The following CHRNG variants were observed in gnomAD, a reference collection of about 807,000 sequenced individuals.
CHRNG encodes acetylcholine receptor subunit gamma.
CHRNG carries 72 observed loss-of-function variants against 65.2 expected under a neutral mutation model. The observed-to-expected ratio is 1.10, with a 90% CI of 0.91 to 1.34. The LOEUF (loss-of-function observed/expected upper bound fraction) is 1.34. Among genes scored for constraint, CHRNG ranks in the 40% most tolerant of loss-of-function variants. The probability of loss-of-function intolerance (pLI) is 0.00; values close to 1 mark genes in which losing one functional copy is unlikely to be tolerated. For synonymous variants in CHRNG, 284 were observed against 290.2 expected, an observed-to-expected ratio of 0.98 and a Z score of 0.22; for missense variants, 637 against 680.1, an observed-to-expected ratio of 0.94 and a Z score of 0.70.
chr2:232,542,363 C>A (rs1212729297), intron 5 of CHRNG, 60 bp from the exon 6 acceptor site: 3 of 1,098,968 alleles, frequency 2.7e-6, no homozygotes, highest in African/African-American at 3.1e-5. Flanking sequence ...AAGGTCATCC[C>A]CATGCAGTCG....
In CHRNG at chr2:232,539,720, C is replaced by A; in HGVS notation, c.-28C>A. On this transcript the variant is annotated 5_prime_UTR_variant, in exon 1 of 12. Transcript: ENST00000651502. ...CCAGACCTTGGAGCTGTTGTCCCACCCCTGTCACTGCAGAGAGCTGAGGCA... is the reference window on the plus strand; with the variant it reads ...CCAGACCTTGGAGCTGTTGTCCCACACCTGTCACTGCAGAGAGCTGAGGCA... The A allele has an allele frequency of 1.2e-6, 2 of 1,612,230 alleles. No individual in the cohort carries two copies. Among genetic ancestry groups the A allele is most frequent in the Non-Finnish European group, 1.7e-6 (2 of 1,178,752 alleles).
rs1692023523 is a variant in CHRNG, at chr2:232,541,845, C to T, written c.506+316C>T. ...CACACAAGATGCGTGTCTGCGCACA[C>T]ACGAAACCACTGCACACTCCAGGCC... On this transcript the variant is annotated intron_variant, in intron 5 of 11. Transcript: ENST00000651502. The surrounding 1 kb of genome is among the most constrained non-coding windows in gnomAD (Gnocchi z 4.0). 2.2e-6 allele frequency: 1 copy of T among 457,678 alleles called. No homozygotes were observed. The highest frequency in any genetic ancestry group is 4.1e-6 in the Non-Finnish European group (1 of 246,556). 28.4% of individuals were successfully genotyped at this position (457,678 alleles called of 1,614,324 possible).
At position 232,540,797 on chromosome 2, in the gene CHRNG, A is replaced by G; in HGVS notation, c.350+86A>G. On this transcript the variant is annotated intron_variant, in intron 4 of 11. Coordinates refer to ENST00000651502, the MANE Select transcript of CHRNG (RefSeq NM_005199.5). This position sits in a 1 kb window ranked among gnomAD's most constrained non-coding sequence, Gnocchi z 4.2. ...GAACAAGGCACTCTGGGAAAAGAGAAAGATGAGCAGAGGGTGCAAATCGGG... is the reference window on the plus strand; with the variant it reads ...GAACAAGGCACTCTGGGAAAAGAGAGAGATGAGCAGAGGGTGCAAATCGGG... The G allele has an allele frequency of 8.0e-7, 1 of 1,254,308 alleles. No individual in the cohort carries two copies. The highest frequency in any genetic ancestry group is 2.0e-5 in the Admixed American group (1 of 51,070). 77.7% of individuals were successfully genotyped at this position (1,254,308 alleles called of 1,614,324 possible).
At position 232,540,162 on chromosome 2, in the gene CHRNG, C is replaced by T; in HGVS notation, c.195+31C>T. The stretch of plus-strand genomic sequence containing the variant: ...CCGCAGGACGGAGGAGGGGTCAGCG[C>T]ACCACGCCCTGGGACCTGCTGGGGA... On this transcript the variant is annotated intron_variant, in intron 2 of 11. Coordinates refer to ENST00000651502, the MANE Select transcript of CHRNG (RefSeq NM_005199.5). The surrounding 1 kb of genome is among the most constrained non-coding windows in gnomAD (Gnocchi z 4.2). 6.2e-7 allele frequency: 1 copy of T among 1,614,148 alleles called. No homozygotes were observed. The highest frequency in any genetic ancestry group is 8.5e-7 in the Non-Finnish European group (1 of 1,179,998).
intron 8 of CHRNG, 41 bp downstream of exon 8, chr2:232,543,430 C>T (rs1444938526): frequency 1.4e-6 from 2 of 1,465,790 alleles, no homozygotes; most frequent in South Asian, 2.3e-5. Flanking sequence ...TGCCACTCTC[C>T]CTTCTTGGGA....
rs1431160749 is a variant in CHRNG, at chr2:232,541,187, C to CG, written c.351-181dup. On this transcript the variant is annotated intron_variant, in intron 4 of 11. Coordinates refer to ENST00000651502, the MANE Select transcript of CHRNG (RefSeq NM_005199.5). The surrounding 1 kb of genome is among the most constrained non-coding windows in gnomAD (Gnocchi z 4.0). ...GGTGCCTGAGGAAGTCTGTCTGGGG[C>CG]GGGGGGTGGCAGGAGGATTGCTGGG... Among the ~76,000 whole-genome samples the CG allele has an allele frequency of 3.3e-4, 22 of 66,414 alleles. No individual in the cohort carries two copies. The highest frequency in any genetic ancestry group is 5.8e-4 in the Non-Finnish European group (18 of 31,250). 43.6% of individuals were successfully genotyped at this position (66,414 alleles called of 152,430 possible).
At chr2:232,544,087 C>T (rs545336745) in intron 9 of CHRNG, among the ~76,000 whole-genome samples, 1 of 152,300 alleles carries the variant, frequency 6.6e-6, no homozygotes, top group East Asian at 1.9e-4. Flanking sequence ...GCCCTTGTTG[C>T]ACATGCAGAT....
rs1366635386 is a variant in CHRNG at position 232,546,850 on chromosome 2, T to C, written c.*1134T>C. Among the ~76,000 whole-genome samples, 1 of 152,178 alleles carries C rather than the reference T, an allele frequency of 6.6e-6. No homozygotes were observed. The highest frequency in any genetic ancestry group is 2.4e-5 in the African/African-American group (1 of 41,442). ...CAGGCCCTTCTTCCCAAAGGATGGTTAAGACAAGGAAGAGCTAGGCAAGAG... is the reference window on the plus strand; with the variant it reads ...CAGGCCCTTCTTCCCAAAGGATGGTCAAGACAAGGAAGAGCTAGGCAAGAG... On this transcript the variant is annotated 3_prime_UTR_variant, in exon 12 of 12. Coordinates refer to ENST00000651502, the MANE Select transcript of CHRNG (RefSeq NM_005199.5).
chr2:232,546,328 T>TTC lies in CHRNG; in HGVS notation c.*612_*613insTC, dbSNP rs1692135013. The stretch of plus-strand genomic sequence containing the variant: ...ATCCTCTTTTTTTTTTTTTTTTTTT[T>TTC]AGTTTTTGATGTGTTGTTGTTGTTT... On this transcript the variant is annotated 3_prime_UTR_variant, in exon 12 of 12. Transcript: ENST00000651502. 2.0e-5 allele frequency: 3 copies of TTC among 152,994 alleles called. No individual in the cohort carries two copies. Among genetic ancestry groups the TTC allele is most frequent in the Non-Finnish European group, 4.3e-5 (3 of 69,894 alleles). The allele number at this position is 152,994 out of a possible 1,614,324, so 9.5% of individuals were successfully genotyped here.
rs182635953 is a variant in CHRNG at position 232,540,372 on chromosome 2, C to A, written c.196-9C>A. Reference sequence around the variant, plus strand: ...CTGAGCCCTCCATACTACACCCTTGCACCCCCAGAACGAGCGAGAGGAAGC... The same window carrying A: ...CTGAGCCCTCCATACTACACCCTTGAACCCCCAGAACGAGCGAGAGGAAGC... On this transcript the variant is annotated splice_polypyrimidine_tract_variant and intron_variant, in intron 2 of 11. Coordinates refer to ENST00000651502, the MANE Select transcript of CHRNG (RefSeq NM_005199.5). The surrounding 1 kb of genome is among the most constrained non-coding windows in gnomAD (Gnocchi z 4.2). The A allele has an allele frequency of 1.2e-6, 2 of 1,613,966 alleles. No individual in the cohort carries two copies. The highest frequency in any genetic ancestry group is 3.3e-5 in the Admixed American group (2 of 60,000).
At position 232,544,804 on chromosome 2, in the gene CHRNG, T is replaced by C. The variant is rs1332179500; in HGVS notation, c.1282T>C (p.Cys428Arg). Residue 428 changes from cysteine (C) to arginine (R), a missense_variant, in exon 11 of 12, where the codon TGT becomes CGT. Coordinates refer to ENST00000651502, the MANE Select transcript of CHRNG (RefSeq NM_005199.5). ...CCCGGAGTTAGGGCTGAGCCAGTTC[T>C]GTGGCAGCCTGAAGCAGGCTGCCCC... ...KGPELGLSQF[C>R]GSLKQAAPAI... The C allele has an allele frequency of 2.5e-6, 4 of 1,613,868 alleles. No homozygotes were observed. The East Asian group carries it at 6.7e-5, about 27-fold the overall frequency.
chr2:232,542,526 C>T lies in CHRNG; in HGVS notation c.604+6C>T. The T allele has an allele frequency of 6.2e-7, 1 of 1,604,272 alleles. No homozygotes were observed. Among genetic ancestry groups the T allele is most frequent in the Non-Finnish European group, 8.5e-7 (1 of 1,171,306 alleles). On this transcript the variant is annotated splice_donor_region_variant and intron_variant, in intron 6 of 11. Coordinates refer to ENST00000651502, the MANE Select transcript of CHRNG (RefSeq NM_005199.5). ...TGACCCTGAGGCCTTCACAGGTAAC[C>T]CCCACCCAAGGGCTCCCCAGGCAGC...
Position 232,541,563 on chromosome 2 carries a change from T to C in CHRNG, c.506+34T>C. ...ATTTATTGGGGAGGATTAAGAGAGC[T>C]GCTCTCAGAGGGGCCTGGGCAGTGG... On this transcript the variant is annotated intron_variant, in intron 5 of 11. Coordinates refer to ENST00000651502, the MANE Select transcript of CHRNG (RefSeq NM_005199.5). The surrounding 1 kb of genome is among the most constrained non-coding windows in gnomAD (Gnocchi z 4.0). 1 of 1,610,070 alleles carries C rather than the reference T, an allele frequency of 6.2e-7. No individual in the cohort carries two copies.
rs1186914053 is a variant in CHRNG, at chr2:232,540,241, G to C, written c.195+110G>C. On this transcript the variant is annotated intron_variant, in intron 2 of 11. Transcript: ENST00000651502. The surrounding 1 kb of genome is among the most constrained non-coding windows in gnomAD (Gnocchi z 4.2). ...GGTTGGAGGGCCCTAAATCGGACAG[G>C]CTGGGGTCTGGAAAACCCCCATGGT... 4.4e-6 allele frequency: 7 copies of C among 1,603,426 alleles called. No homozygotes were observed. The highest frequency in any genetic ancestry group is 6.0e-6 in the Non-Finnish European group (7 of 1,171,158).
rs781000671 is a variant in CHRNG at position 232,544,426 on chromosome 2, A to G, written c.1095A>G (p.Ala365=). 6.2e-7 allele frequency: 1 copy of G among 1,613,618 alleles called. No individual in the cohort carries two copies. Among genetic ancestry groups the G allele is most frequent in the Admixed American group, 1.7e-5 (1 of 60,030 alleles). ...TGCACGTTCGCCCGCTGGCCCCGGC[A>G]GCTGTGCAGGACACCCAGTCCCGGC... ...LRMHVRPLAP[A]AVQDTQSRLQ... is the part of the protein sequence containing the mutation. The change falls in exon 10 of 12, where the codon GCA becomes GCG. Residue 365 remains alanine, a synonymous_variant. Transcript: ENST00000651502.
chr2:232,547,357 G>A lies in CHRNG; in HGVS notation c.*1641G>A, dbSNP rs976417995. 6.6e-6 allele frequency among the ~76,000 whole-genome samples: 1 copy of A among 152,172 alleles called. No individual in the cohort carries two copies. The highest frequency in any genetic ancestry group is 6.5e-5 in the Admixed American group (1 of 15,282). Reference sequence around the variant, plus strand: ...CGCTTGAGCCCAGGAGGTCTAGGCTGCAGTGAGCTGTGATCATGTGACTGC... The same window carrying A: ...CGCTTGAGCCCAGGAGGTCTAGGCTACAGTGAGCTGTGATCATGTGACTGC... On this transcript the variant is annotated 3_prime_UTR_variant, in exon 12 of 12. Transcript: ENST00000651502.
chr2:232,540,277 G>C lies in CHRNG; in HGVS notation c.196-104G>C. 1 of 1,593,886 alleles carries C rather than the reference G, an allele frequency of 6.3e-7. No individual in the cohort carries two copies. The highest frequency in any genetic ancestry group is 8.6e-7 in the Non-Finnish European group (1 of 1,162,080). On this transcript the variant is annotated intron_variant, in intron 2 of 11. Transcript: ENST00000651502. The surrounding 1 kb of genome is among the most constrained non-coding windows in gnomAD (Gnocchi z 4.2). ...GAAAACCCCCATGGTTGTGGGGGGA[G>C]TACTATCAAGAGGCTGGGGGATGCT... is the stretch of plus-strand genomic sequence containing the variant.
chr2:232,544,605 G>A, intron 10 of CHRNG, 25 bp downstream of exon 10: 1 of 1,599,274 alleles, frequency 6.3e-7, no homozygotes, highest in African/African-American at 1.3e-5. Flanking sequence ...GTGTGCCTGG[G>A]GACAGTCCTC....
intron 9 of CHRNG, 22 bp downstream of exon 9, chr2:232,543,721 T>C (rs776322041): frequency 9.1e-6 from 13 of 1,425,750 alleles, no homozygotes; most frequent in Non-Finnish European, 5.0e-6. Flanking sequence ...CCCTGCCCAC[T>C]TCAACATCCC....
Sources: allele counts gnomAD v4.1 joint callset (sites outside exome capture counted in the v4.1 genomes callset), GRCh38; gene constraint gnomAD v4.1.1; non-coding constraint Gnocchi (gnomAD v3.1); transcripts MANE v1.5; gene names NCBI Gene and HGNC (gene_info 2026-07-23, HGNC 2026-07-21).